Variants in DNM2 observed in about 807,000 individuals in gnomAD.
DNM2 encodes dynamin-2.
A neutral mutation model predicts 99.0 loss-of-function variants in DNM2; 15 were observed. The observed-to-expected ratio is 0.15, with a 90% CI of 0.10 to 0.23. DNM2 has a LOEUF of 0.23. Ranked by LOEUF, DNM2 falls within the 10% of genes least tolerant of loss-of-function variation. The probability of loss-of-function intolerance (pLI) is 1.00; values close to 1 mark genes in which losing one functional copy is unlikely to be tolerated. For missense variants in DNM2, 742 were observed against 1,189.4 expected (o/e 0.62, Z 5.53); for synonymous variants, 525 against 481.2 (o/e 1.09, Z -1.19).
At position 10,798,569 on chromosome 19, in the gene DNM2, C is replaced by A. The variant is rs2072023205; in HGVS notation, c.1419C>A (p.Asp473Glu). ...GGGAACGGGAGGGGAGAACGAAGGA[C>A]CAGGTACTGGCCTTTTGTCTTCTTT... ...YIREREGRTK[D>E]QILLLIDIEQ... The change falls in exon 11 of 21, where the codon GAC becomes GAA. Residue 473 changes from aspartate to glutamate, a missense_variant. Physicochemically the swap from Asp to Glu is conservative, Grantham distance 45. This residue lies in a region of DNM2 where 240 missense variants were observed against 431.3 expected (regional missense o/e 0.56). Coordinates refer to ENST00000389253, the MANE Select transcript of DNM2 (RefSeq NM_001005361.3). 1 of 1,614,092 alleles carries A rather than the reference C, an allele frequency of 6.2e-7. No individual in the cohort carries two copies. Among genetic ancestry groups the A allele is most frequent in the African/African-American group, 1.3e-5 (1 of 74,922 alleles).
chr19:10,722,157 T>C (rs1463401131), intron 1 of DNM2, among the ~76,000 whole-genome samples: 3 of 152,164 alleles, frequency 2.0e-5, no homozygotes, highest in African/African-American at 7.2e-5. Context: ...TTGCTGAGCC[T>C]TTGTCCCTTG....
In DNM2 at chr19:10,740,399, G is replaced by A. The variant is rs185860252; in HGVS notation, c.162-19339G>A. On this transcript the variant is annotated intron_variant, in intron 1 of 20. Coordinates refer to ENST00000389253, the MANE Select transcript of DNM2 (RefSeq NM_001005361.3). The stretch of plus-strand genomic sequence containing the variant: ...TTTTTTTGTTTTTTTTTTTTGAGAC[G>A]GAGTCTCGCTCTGTCGCCCAGGCTG... Among the ~76,000 whole-genome samples, 7 of 148,848 alleles carry A rather than the reference G, an allele frequency of 4.7e-5. No individual in the cohort carries two copies. In the East Asian group the frequency reaches 9.7e-4, roughly 21 times the overall value.
intron 6 of DNM2, among the ~76,000 whole-genome samples, chr19:10,783,800 G>T (rs557249710): frequency 3.3e-5 from 5 of 151,392 alleles, no homozygotes; most frequent in Non-Finnish European, 7.4e-5. Flanking sequence ...TCCCAGGTTC[G>T]AGTGATTCTC....
chr19:10,749,625 G>T (rs1055850876), intron 1 of DNM2, among the ~76,000 whole-genome samples: 3 of 152,226 alleles, frequency 2.0e-5, no homozygotes, highest in Admixed American at 6.5e-5. Flanking sequence ...CCCAGGAGGG[G>T]CGGAGCTCGA....
In DNM2 at chr19:10,820,148, C is replaced by G; in HGVS notation, c.1781+59C>G. On this transcript the variant is annotated intron_variant, in intron 16 of 20. Transcript: ENST00000389253. The surrounding 1 kb of genome is among the most constrained non-coding windows in gnomAD (Gnocchi z 4.3). Reference sequence around the variant, plus strand: ...GTGAAGACCAATGGCCTCATTCACACTCCACAACCTTCACTGAGCACTGAG... The same window carrying G: ...GTGAAGACCAATGGCCTCATTCACAGTCCACAACCTTCACTGAGCACTGAG... 2 of 1,523,002 alleles carry G rather than the reference C, an allele frequency of 1.3e-6. No individual in the cohort carries two copies. The highest frequency in any genetic ancestry group is 1.8e-6 in the Non-Finnish European group (2 of 1,098,952). The allele number at this position is 1,523,002 out of a possible 1,614,324, so 94.3% of individuals were successfully genotyped here. A position where few individuals can be genotyped will look rare whatever the true frequency, so the allele number is the denominator to read the frequency against.
intron 13 of DNM2, among the ~76,000 whole-genome samples, chr19:10,808,233 G>T (rs764584770): frequency 2.0e-5 from 3 of 152,140 alleles, no homozygotes; most frequent in Non-Finnish European, 4.4e-5. Context: ...GGGCAGGGGT[G>T]GGGGCGGGGA....
Position 10,797,382 on chromosome 19 carries a change from CG to C in DNM2, c.1203del (p.Leu402SerfsTer12), listed in dbSNP as rs1568306311. On this transcript the variant is annotated frameshift_variant, in exon 10 of 21. Coordinates refer to ENST00000389253, the MANE Select transcript of DNM2 (RefSeq NM_001005361.3). LOFTEE classifies it high-confidence loss of function. ...YAIKNIHGVR[T>X]GLFTPDMAFE... ...ATCCTGCCCTCCGCATGACCCAGGA[CG>C]GGGCTCTTCACCCCCGACATGGCCT... 1.2e-6 allele frequency: 2 copies of C among 1,612,552 alleles called. No individual in the cohort carries two copies. Among genetic ancestry groups the C allele is most frequent in the Non-Finnish European group, 8.5e-7 (1 of 1,179,976 alleles).
Position 10,830,924 on chromosome 19 carries a change from C to A in DNM2, c.2544-54C>A. ...GTCCTCAACCCAGGCCTGCCTCTTGCTCCCGGCCTCACTGCCGTCTCCCCC... is the reference window on the plus strand; with the variant it reads ...GTCCTCAACCCAGGCCTGCCTCTTGATCCCGGCCTCACTGCCGTCTCCCCC... On this transcript the variant is annotated intron_variant, in intron 20 of 20. Coordinates refer to ENST00000389253, the MANE Select transcript of DNM2 (RefSeq NM_001005361.3). This position sits in a 1 kb window ranked among gnomAD's most constrained non-coding sequence, Gnocchi z 4.8. 6.4e-7 allele frequency: 1 copy of A among 1,569,544 alleles called. No homozygotes were observed. The highest frequency in any genetic ancestry group is 1.2e-5 in the South Asian group (1 of 85,632).
intron 15 of DNM2, among the ~76,000 whole-genome samples, chr19:10,819,037 C>T (rs2072878515): frequency 6.6e-6 from 1 of 152,162 alleles, no homozygotes. Context: ...AGCCCCTTGC[C>T]CCTGGCCGAG....
intron 2 of DNM2, chr19:10,769,164 T>A (rs980465035): frequency 6.6e-6 from 1 of 152,362 alleles, no homozygotes; most frequent in African/African-American, 2.4e-5. Context: ...GCTCTTCCTG[T>A]GCAGGTATTG....
chr19:10,746,717 C>CT (rs1279869201), intron 1 of DNM2, among the ~76,000 whole-genome samples: 1,558 of 102,868 alleles, frequency 0.015, 95 homozygotes, highest in Non-Finnish European at 0.022. Context: ...ACCGTGCCGG[C>CT]TTTTTTTTTG....
At chr19:10,778,991 G>A (rs373717957) in intron 5 of DNM2, among the ~76,000 whole-genome samples, 9 of 152,074 alleles carry the variant, frequency 5.9e-5, no homozygotes, top group Admixed American at 2.0e-4. Context: ...CAAGGCAGGC[G>A]GATCACAAGG....
At chr19:10,737,355 C>G (rs562253159) in intron 1 of DNM2, among the ~76,000 whole-genome samples, 10 of 152,206 alleles carry the variant, frequency 6.6e-5, no homozygotes, top group African/African-American at 2.4e-4. Context: ...GCTTAAAAGC[C>G]TCCTTCTCAA....
At chr19:10,733,852 C>T (rs1166028003) in intron 1 of DNM2, among the ~76,000 whole-genome samples, 1 of 151,264 alleles carries the variant, frequency 6.6e-6, no homozygotes, top group Non-Finnish European at 1.5e-5. Context: ...ACTAAAAATA[C>T]AAAAAATTAG....
intron 1 of DNM2, among the ~76,000 whole-genome samples, chr19:10,754,204 C>T (rs1048559957): frequency 1.3e-5 from 2 of 151,632 alleles, no homozygotes; most frequent in African/African-American, 2.4e-5. Flanking sequence ...ACATGTTCTC[C>T]TTGACTTGTG....
chr19:10,805,265 C>A (rs1444953928), intron 12 of DNM2, among the ~76,000 whole-genome samples: 3 of 152,230 alleles, frequency 2.0e-5, no homozygotes, highest in Non-Finnish European at 4.4e-5. Context: ...AGCTGTCCCA[C>A]AGTCTGATGT....
intron 2 of DNM2, among the ~76,000 whole-genome samples, chr19:10,771,006 C>T (rs943282467): frequency 1.3e-5 from 2 of 152,096 alleles, no homozygotes; most frequent in African/African-American, 4.8e-5. Flanking sequence ...TCACCCAGGC[C>T]GGTCTTGAAC....
chr19:10,750,244 C>T (rs79357287), intron 1 of DNM2, among the ~76,000 whole-genome samples: 15,443 of 151,934 alleles, frequency 0.1, 1,212 homozygotes, highest in East Asian at 0.37. Flanking sequence ...TTTGGGAGGC[C>T]GATGCGGGAA....
At chr19:10,798,628 T>C (rs1691769453) in intron 11 of DNM2, 56 bp downstream of exon 11, 2 of 1,597,054 alleles carry the variant, frequency 1.3e-6, no homozygotes, top group South Asian at 1.1e-5. Context: ...AAATGTCAAG[T>C]GTACTGTTCT....
Sources: gnomAD v4.1 joint callset for allele counts (sites outside exome capture counted in the v4.1 genomes callset) on GRCh38, gnomAD v4.1.1 for gene constraint, gnomAD v4.1.1 regional missense constraint, Gnocchi (gnomAD v3.1) non-coding constraint, MANE v1.5 for transcripts, NCBI Gene and HGNC (gene_info 2026-07-23, HGNC 2026-07-21) for gene names.